TTC39B: variants seen among roughly 807,000 people sequenced by gnomAD.
The protein encoded by TTC39B is tetratricopeptide repeat protein 39B.
Under a neutral mutation model 96.6 loss-of-function variants are expected in TTC39B, and 92 were observed. The ratio of observed to expected loss-of-function variants is 0.95; its 90% CI spans 0.80 to 1.13. The LOEUF (loss-of-function observed/expected upper bound fraction) is 1.13, where lower values mean the gene tolerates loss of function less well. Among genes scored for constraint, TTC39B ranks in the 50% most tolerant of loss-of-function variants. The probability of loss-of-function intolerance (pLI) is 0.00; values close to 1 mark genes in which losing one functional copy is unlikely to be tolerated. For missense variants in TTC39B, 955 were observed against 809.3 expected (o/e 1.18, Z -2.18); for synonymous variants, 367 against 299.4 (o/e 1.23, Z -2.33).
exon 20 of TTC39B, chr9:15,167,243 A>G (rs1588823572): frequency 9.3e-6 from 1 of 107,354 alleles, no homozygotes; most frequent in Non-Finnish European, 1.8e-5. Context: ...ACAGGTTCTC[A>G]CTGTATTGCC....
intron 6 of TTC39B, among the ~76,000 whole-genome samples, chr9:15,204,760 T>C (rs1485301378): frequency 1.3e-5 from 2 of 151,938 alleles, no homozygotes; most frequent in South Asian, 2.1e-4. Context: ...TAGAAAGAGG[T>C]AGCACTACCC....
At chr9:15,273,592 C>T (rs1042888195) in intron 1 of TTC39B, among the ~76,000 whole-genome samples, 6 of 152,148 alleles carry the variant, frequency 3.9e-5, no homozygotes, top group Admixed American at 2.0e-4. Flanking sequence ...CATTTAACCA[C>T]CGCACTTTAG....
chr9:15,197,208 C>G (rs1402823329), intron 8 of TTC39B, among the ~76,000 whole-genome samples: 1 of 152,176 alleles, frequency 6.6e-6, no homozygotes, highest in Admixed American at 6.5e-5. Flanking sequence ...CCCAAAATAT[C>G]TCTGAGGTAT....
chr9:15,272,881 C>T (rs1163527201), intron 1 of TTC39B, among the ~76,000 whole-genome samples: 1 of 152,134 alleles, frequency 6.6e-6, no homozygotes, highest in Non-Finnish European at 1.5e-5. Context: ...GAAGGATTCC[C>T]TAGGTGAGCT....
At chr9:15,192,521 G>T in intron 9 of TTC39B, 69 bp downstream of exon 9, 1 of 1,226,780 alleles carries the variant, frequency 8.2e-7, no homozygotes, top group South Asian at 1.3e-5. Flanking sequence ...TTCAAATGCA[G>T]TGGAGAAGGC....
chr9:15,227,999 A>G (rs1323715460), intron 2 of TTC39B, among the ~76,000 whole-genome samples: 1 of 152,196 alleles, frequency 6.6e-6, no homozygotes. Context: ...ATTTAAATAA[A>G]TGGTACAAGA....
intron 1 of TTC39B, among the ~76,000 whole-genome samples, chr9:15,286,080 C>T (rs937397839): frequency 6.6e-6 from 1 of 152,210 alleles, no homozygotes; most frequent in Admixed American, 6.5e-5. Flanking sequence ...GTGCATGTTT[C>T]CTAAAAATAA....
At chr9:15,268,831 T>G (rs115219192) in intron 1 of TTC39B, among the ~76,000 whole-genome samples, 2,177 of 152,322 alleles carry the variant, frequency 0.014, 46 homozygotes, top group African/African-American at 0.05. Flanking sequence ...ATCATTCTTT[T>G]ACTTCATGTT....
intron 2 of TTC39B, among the ~76,000 whole-genome samples, chr9:15,237,646 A>T (rs1330881002): frequency 7.9e-6 from 1 of 126,200 alleles, no homozygotes; most frequent in East Asian, 3.0e-4. Flanking sequence ...AGTAATAAAA[A>T]ATCTTCTGGA....
intron 2 of TTC39B, among the ~76,000 whole-genome samples, chr9:15,264,729 C>CTATATATATA (rs138797791): frequency 0.01 from 1,439 of 141,876 alleles, 26 homozygotes; most frequent in African/African-American, 0.035. Context: ...AACAATTTTA[C>CTATATATATA]TATATATATA....
chr9:15,292,807 G>A (rs1824236582), intron 1 of TTC39B, among the ~76,000 whole-genome samples: 1 of 152,184 alleles, frequency 6.6e-6, no homozygotes, highest in South Asian at 2.1e-4. Flanking sequence ...GCTGTACAGT[G>A]TGTTTGTGTT....
chr9:15,277,495 TAAGTTATGGAAC>T (rs879943327), intron 1 of TTC39B, among the ~76,000 whole-genome samples: 1 of 152,034 alleles, frequency 6.6e-6, no homozygotes, highest in Non-Finnish European at 1.5e-5. Flanking sequence ...ACAAAACCCA[TAAGTTATGGAAC>T]CTCTGCTCAC....
At chr9:15,167,355 A>C (rs892316916) in exon 20 of TTC39B, 1 of 151,174 alleles carries the variant, frequency 6.6e-6, no homozygotes, top group Non-Finnish European at 1.5e-5. Context: ...GCCTCTAAAA[A>C]CCTTTAAATA....
At chr9:15,257,988 A>T (rs1822816609) in intron 2 of TTC39B, among the ~76,000 whole-genome samples, 1 of 152,106 alleles carries the variant, frequency 6.6e-6, no homozygotes, top group South Asian at 2.1e-4. Flanking sequence ...TGAACCCAGG[A>T]GGCAGAGGTT....
intron 1 of TTC39B, among the ~76,000 whole-genome samples, chr9:15,269,572 G>C (rs1336299052): frequency 6.6e-6 from 1 of 152,182 alleles, no homozygotes; most frequent in Non-Finnish European, 1.5e-5. Context: ...AGAAGAACCT[G>C]GCCAGGCGCA....
intron 2 of TTC39B, among the ~76,000 whole-genome samples, chr9:15,253,466 C>T (rs538635846): frequency 5.3e-5 from 8 of 152,306 alleles, no homozygotes; most frequent in South Asian, 2.1e-4. Flanking sequence ...CAAGGGAGCA[C>T]GGCCATGGGA....
chr9:15,262,350 C>T (rs1439302347), intron 2 of TTC39B, among the ~76,000 whole-genome samples: 2 of 152,164 alleles, frequency 1.3e-5, no homozygotes, highest in Non-Finnish European at 2.9e-5. Flanking sequence ...CCACCCACCT[C>T]AGCCTCCCAA....
At chr9:15,194,471 G>A (rs925604786) in intron 8 of TTC39B, among the ~76,000 whole-genome samples, 1 of 152,094 alleles carries the variant, frequency 6.6e-6, no homozygotes, top group Non-Finnish European at 1.5e-5. Flanking sequence ...GTAAGTCCAT[G>A]TGTGTGCACA....
At chr9:15,167,022 A>ATTTTTT (rs1564299968) in exon 20 of TTC39B, 1 of 9,294 alleles carries the variant, frequency 1.1e-4, no homozygotes, top group Non-Finnish European at 1.7e-4. Flanking sequence ...ATATATATAT[A>ATTTTTT]TATATATTTT....
Sources: allele counts gnomAD v4.1 joint callset (sites outside exome capture counted in the v4.1 genomes callset), GRCh38; gene constraint gnomAD v4.1.1; transcripts MANE v1.5; gene names NCBI Gene and HGNC (gene_info 2026-07-23, HGNC 2026-07-21).